Variants in TSPEAR observed in about 807,000 individuals in gnomAD.
TSPEAR encodes thrombospondin-type laminin G domain and EAR repeat-containing protein.
Under a neutral mutation model 71.6 loss-of-function variants are expected in TSPEAR, and 69 were observed. The observed-to-expected ratio is 0.96, with a 90% CI of 0.79 to 1.18. TSPEAR has a LOEUF of 1.18. Ranked by LOEUF, TSPEAR falls within the 50% of genes most tolerant of loss-of-function variation. The pLI is 0.00. For missense variants in TSPEAR, 971 were observed against 894.9 expected (o/e 1.09, Z -1.09); for synonymous variants, 402 against 387.2 (o/e 1.04, Z -0.45).
At position 44,530,974 on chromosome 21, in the gene TSPEAR, A is replaced by G. The variant is rs1487872038; in HGVS notation, c.633+69T>C. The G allele has an allele frequency of 2.4e-6, 3 of 1,239,000 alleles. No homozygotes were observed. In the African/African-American group the frequency reaches 4.4e-5, roughly 18 times the overall value. The allele number at this position is 1,239,000 out of a possible 1,614,324, so 76.8% of individuals were successfully genotyped here. On this transcript the variant is annotated intron_variant, in intron 4 of 11. Coordinates refer to ENST00000323084, the MANE Select transcript of TSPEAR (RefSeq NM_144991.3). ...CCAAGGATCTGTCAACTAGAGCAGT[A>G]GGACAACTGGCCTGGGGCAGTCCCA...
chr21:44,702,892 C>G, intron 1 of TSPEAR: 1 of 658,272 alleles, frequency 1.5e-6, no homozygotes, highest in Non-Finnish European at 2.6e-6. Flanking sequence ...ACACACCGCA[C>G]TGGTACACAC....
In TSPEAR at chr21:44,653,193, T is replaced by A. The variant is rs368608448; in HGVS notation, c.82+58240A>T. Among the ~76,000 whole-genome samples, 43 of 152,208 alleles carry A rather than the reference T, an allele frequency of 2.8e-4. 1 individual carries two copies. The South Asian group carries it at 7.5e-3, about 26-fold the overall frequency. ...AAGATAAATGATGCTAGTCCTTGCCTTTTCCTGAACAAGATAACGTCTTAT... is the reference window on the plus strand; with the variant it reads ...AAGATAAATGATGCTAGTCCTTGCCATTTCCTGAACAAGATAACGTCTTAT... On this transcript the variant is annotated intron_variant, in intron 1 of 11. Transcript: ENST00000323084.
chr21:44,594,822 A>ATTTTTTTTTTT (rs34221889), intron 1 of TSPEAR, among the ~76,000 whole-genome samples: 2 of 125,538 alleles, frequency 1.6e-5, no homozygotes, highest in African/African-American at 6.3e-5. Context: ...CGGATCTGTG[A>ATTTTTTTTTTT]TTTTTTTTTT....
At chr21:44,550,702 AC>A (rs1206868587) in intron 2 of TSPEAR, 1 of 1,613,694 alleles carries the variant, frequency 6.2e-7, no homozygotes, top group African/African-American at 1.3e-5. Context: ...CAGCAGCTAG[AC>A]TTTTGGCCTG....
Position 44,557,985 on chromosome 21 carries a change from G to T in TSPEAR, c.303+9800C>A, listed in dbSNP as rs1387944557. The T allele has an allele frequency of 3.2e-6, 5 of 1,551,428 alleles. No individual in the cohort carries two copies. The Admixed American group carries it at 9.0e-5, about 28-fold the overall frequency. ...AGAGGAGACTCAGACAGGGCTCAGG[G>T]CTGCAAGGATTTTCGGAAGTCAGAG... On this transcript the variant is annotated intron_variant, in intron 2 of 11. Transcript: ENST00000323084.
At chr21:44,514,954 T>G (rs782167255) in intron 9 of TSPEAR, among the ~76,000 whole-genome samples, 4 of 152,116 alleles carry the variant, frequency 2.6e-5, no homozygotes, top group Non-Finnish European at 4.4e-5. Context: ...TGCAGTGCCC[T>G]GGGAATGCGC....
At chr21:44,654,882 G>A (rs781904725) in intron 1 of TSPEAR, among the ~76,000 whole-genome samples, 2 of 152,262 alleles carry the variant, frequency 1.3e-5, no homozygotes, top group African/African-American at 4.8e-5. Flanking sequence ...GGGGTAGCTG[G>A]TGAAGGGCTG....
chr21:44,697,703 G>A (rs1338954842), intron 1 of TSPEAR: 4 of 1,612,400 alleles, frequency 2.5e-6, no homozygotes, highest in African/African-American at 1.4e-5. Context: ...TGTCTGCTCT[G>A]GGGCCTCCTC....
At chr21:44,696,005 C>G (rs554538029) in intron 1 of TSPEAR, among the ~76,000 whole-genome samples, 10 of 152,138 alleles carry the variant, frequency 6.6e-5, no homozygotes, top group Admixed American at 4.6e-4. Flanking sequence ...CAAAGGCTGC[C>G]GAATGTCTTC....
intron 2 of TSPEAR, among the ~76,000 whole-genome samples, chr21:44,548,597 A>G (rs2053343623): frequency 1.3e-5 from 2 of 152,154 alleles, no homozygotes; most frequent in South Asian, 4.1e-4. Context: ...TTCAAACAGG[A>G]TTGAACAAAT....
chr21:44,515,324 C>G (rs587761935), intron 9 of TSPEAR, among the ~76,000 whole-genome samples: 1 of 152,220 alleles, frequency 6.6e-6, no homozygotes, highest in East Asian at 1.9e-4. Context: ...GTGGTCCCAG[C>G]GCCTTCCCAG....
At chr21:44,524,229 A>C (rs2052799808) in intron 8 of TSPEAR, among the ~76,000 whole-genome samples, 1 of 152,018 alleles carries the variant, frequency 6.6e-6, no homozygotes, top group African/African-American at 2.4e-5. Context: ...TCAGTCAGTC[A>C]GTCAGTGAGG....
chr21:44,539,751 A>G (rs1601387573), intron 2 of TSPEAR: 1 of 1,612,058 alleles, frequency 6.2e-7, no homozygotes, highest in East Asian at 2.2e-5. Flanking sequence ...CTGGAGGAAG[A>G]GGCACAGCAA....
chr21:44,541,074 C>T (rs1485463870), intron 2 of TSPEAR, among the ~76,000 whole-genome samples: 1 of 151,410 alleles, frequency 6.6e-6, no homozygotes. Context: ...GCCTGGCCAT[C>T]ATCAGTATTT....
intron 2 of TSPEAR, among the ~76,000 whole-genome samples, chr21:44,538,476 C>T (rs1284173200): frequency 6.6e-6 from 1 of 150,962 alleles, no homozygotes; most frequent in Admixed American, 6.6e-5. Context: ...TTGGGGAATC[C>T]TGTGCCTCCA....
intron 8 of TSPEAR, among the ~76,000 whole-genome samples, chr21:44,522,647 G>C (rs2052758579): frequency 6.6e-6 from 1 of 152,254 alleles, no homozygotes; most frequent in South Asian, 2.1e-4. Context: ...CACAATGGCA[G>C]GTACTCATGG....
At chr21:44,568,547 C>T (rs782246180) in intron 1 of TSPEAR, among the ~76,000 whole-genome samples, 8 of 152,166 alleles carry the variant, frequency 5.3e-5, no homozygotes, top group African/African-American at 1.9e-4. Context: ...GGATAAGCTC[C>T]TGGGGAACCT....
chr21:44,540,306 G>A (rs1476795109), intron 2 of TSPEAR: 46 of 1,261,448 alleles, frequency 3.6e-5, no homozygotes, highest in South Asian at 1.2e-4. Flanking sequence ...GGCCCACAGC[G>A]TCCCCTTCCT....
In TSPEAR at chr21:44,654,283, C is replaced by A; in HGVS notation, c.82+57150G>T. ...TCATAGGAGGCCACCTGCTCAGCAG[C>A]CAGTGGGGGTGCTCCAGGTGACAGG... On this transcript the variant is annotated intron_variant, in intron 1 of 11. Coordinates refer to ENST00000323084, the MANE Select transcript of TSPEAR (RefSeq NM_144991.3). The A allele has an allele frequency of 3.1e-6, 5 of 1,613,490 alleles. No homozygotes were observed. Among genetic ancestry groups the A allele is most frequent in the Non-Finnish European group, 8.5e-7 (1 of 1,179,630 alleles).
Sources: gnomAD v4.1 joint callset for allele counts (sites outside exome capture counted in the v4.1 genomes callset) on GRCh38, gnomAD v4.1.1 for gene constraint, MANE v1.5 for transcripts, NCBI Gene and HGNC (gene_info 2026-07-23, HGNC 2026-07-21) for gene names.